The following RIF1 variants were observed in gnomAD, a reference collection of about 807,000 sequenced individuals.
RIF1 encodes telomere-associated protein RIF1.
Under a neutral mutation model 247.1 loss-of-function variants are expected in RIF1, and 45 were observed. The ratio of observed to expected loss-of-function variants is 0.18; its 90% CI spans 0.14 to 0.23. RIF1 has a LOEUF of 0.23. RIF1 is among the 10% of genes least tolerant of loss of function. The probability of loss-of-function intolerance (pLI) is 1.00; values close to 1 mark genes in which losing one functional copy is unlikely to be tolerated. For synonymous variants in RIF1, 1,087 were observed against 978.8 expected (o/e 1.11, Z -2.06); for missense variants, 2,967 against 2,862.5 (o/e 1.04, Z -0.83).
Position 151,506,890 on chromosome 2 carries a change from A to ACCT in RIF1, c.*1027+515_*1027+516insCCT, listed in dbSNP as rs769768130. ...AATGACTAGGTTAGCATTAAATGCA[A>ACCT]AATAAATAGTAAATATACCGAGCTG... On this transcript the variant is annotated intron_variant and NMD_transcript_variant, in intron 13 of 13. Coordinates refer to the RIF1 transcript ENST00000454583. 7 of 1,521,404 alleles carry ACCT rather than the reference A, an allele frequency of 4.6e-6. No homozygotes were observed. The Admixed American group carries it at 1.2e-4, about 26-fold the overall frequency. The allele number at this position is 1,521,404 out of a possible 1,614,324, so 94.2% of individuals were successfully genotyped here.
the RIF1 span, chr2:151,519,666 C>G: frequency 6.2e-7 from 1 of 1,606,132 alleles, no homozygotes; most frequent in African/African-American, 1.3e-5. Flanking sequence ...ACCTCACTTG[C>G]AAGATTATTA....
At chr2:151,492,669 G>A (rs369699291) in intron 9 of RIF1, 18 of 415,304 alleles carry the variant, frequency 4.3e-5, no homozygotes, top group East Asian at 1.7e-4. Context: ...AGAAGGGCCC[G>A]CCAGTGGAAG....
At chr2:151,512,100 G>A (rs566608554), downstream of RIF1, among the ~76,000 whole-genome samples, 4 of 141,758 alleles carry the variant, frequency 2.8e-5, no homozygotes, top group Non-Finnish European at 6.0e-5. Context: ...GCGTGATCTC[G>A]GCTCACTGCA....
Position 151,490,042 on chromosome 2 carries a change from G to A in RIF1, c.*416-5187G>A, listed in dbSNP as rs2152763931. On this transcript the variant is annotated intron_variant and NMD_transcript_variant, in intron 9 of 13. Coordinates refer to the RIF1 transcript ENST00000454583. ...TGGGTAGCAACTGAAGATGATCGTT[G>A]TTGTGGGAGCTCTGTGGTTTTTGCA... is the stretch of plus-strand genomic sequence containing the variant. 1.2e-6 allele frequency: 2 copies of A among 1,613,314 alleles called. No individual in the cohort carries two copies. Among genetic ancestry groups the A allele is most frequent in the Non-Finnish European group, 1.7e-6 (2 of 1,179,582 alleles).
chr2:151,464,961 C>T lies in RIF1; in HGVS notation c.5441C>T (p.Ser1814Phe). The stretch of plus-strand genomic sequence containing the variant: ...ACTATTAATGATTCATTAATTGTTT[C>T]TGAAACCAAATCAAAAGAAAACACT... ...NDTINDSLIV[S>F]ETKSKENTMQ... The change falls in exon 30 of 36, where the codon TCT (serine) becomes TTT (phenylalanine). Residue 1814 changes from serine to phenylalanine, a missense_variant. Physicochemically the swap from Ser to Phe is radical, Grantham distance 155 (BLOSUM62 -2). Around this residue, in one of 7 missense-constraint regions of RIF1, gnomAD observed 2,028 missense variants for 1,825.6 expected, o/e 1.11. Coordinates refer to ENST00000444746, the MANE Select transcript of RIF1 (RefSeq NM_018151.5). The T allele has an allele frequency of 1.3e-6, 2 of 1,572,904 alleles. No homozygotes were observed. Among genetic ancestry groups the T allele is most frequent in the African/African-American group, 1.4e-5 (1 of 72,612 alleles).
intron 12 of RIF1, among the ~76,000 whole-genome samples, chr2:151,504,350 A>C (rs138566719): frequency 1.2e-4 from 19 of 152,328 alleles, no homozygotes; most frequent in Non-Finnish European, 4.4e-5. Context: ...TCACCCAACA[A>C]AGCAGCAGAA....
chr2:151,428,738 T>G (rs1198638719), intron 8 of RIF1, 46 bp from the exon 9 acceptor site: 1 of 1,458,640 alleles, frequency 6.9e-7, no homozygotes, highest in South Asian at 1.1e-5. Context: ...AATTATTCTG[T>G]TTCATGCAGA....
chr2:151,533,279 T>G, the RIF1 span, among the ~76,000 whole-genome samples: 3 of 152,236 alleles, frequency 2.0e-5, no homozygotes, highest in South Asian at 6.2e-4. Flanking sequence ...CCATCACCTT[T>G]GGCCACATTC....
chr2:151,527,507 C>A, the RIF1 span: 2 of 1,613,138 alleles, frequency 1.2e-6, no homozygotes, highest in South Asian at 2.2e-5. Context: ...GATGACTTGG[C>A]AGCCTGGAGG....
intron 8 of RIF1, among the ~76,000 whole-genome samples, chr2:151,428,246 T>C (rs1014817137): frequency 4.6e-5 from 7 of 152,116 alleles, no homozygotes; most frequent in Non-Finnish European, 8.8e-5. Context: ...AGAAAAGTTA[T>C]TCAGTTTTCT....
intron 9 of RIF1, among the ~76,000 whole-genome samples, chr2:151,488,540 G>A (rs139216819): frequency 6.6e-6 from 1 of 151,898 alleles, no homozygotes; most frequent in African/African-American, 2.4e-5. Context: ...TAGCTATTCT[G>A]GTGGCTGAGG....
chr2:151,441,442 C>G (rs1692277816), intron 15 of RIF1, among the ~76,000 whole-genome samples: 1 of 152,104 alleles, frequency 6.6e-6, no homozygotes, highest in South Asian at 2.1e-4. Flanking sequence ...AATGGACATT[C>G]ATATAGCAGT....
At chr2:151,414,110 T>C (rs1431618782) in intron 3 of RIF1, among the ~76,000 whole-genome samples, 1 of 151,970 alleles carries the variant, frequency 6.6e-6, no homozygotes. Flanking sequence ...GTCAGGAGTT[T>C]GAGACCAGCC....
intron 6 of RIF1, among the ~76,000 whole-genome samples, chr2:151,418,393 CAG>C (rs1020454191): frequency 1.3e-5 from 2 of 152,142 alleles, no homozygotes; most frequent in African/African-American, 4.8e-5. Flanking sequence ...TTAGCAGAGA[CAG>C]GGTTTTGCCA....
the RIF1 span, chr2:151,515,070 CAT>C: frequency 2.7e-3 from 1,688 of 623,178 alleles, 31 homozygotes; most frequent in South Asian, 0.027. Flanking sequence ...ACATTTGAAA[CAT>C]GTATGATTGT....
Position 151,423,014 on chromosome 2 carries a change from G to T in RIF1, c.758G>T (p.Trp253Leu). The T allele has an allele frequency of 6.3e-7, 1 of 1,595,480 alleles. No homozygotes were observed. Among genetic ancestry groups the T allele is most frequent in the African/African-American group, 1.3e-5 (1 of 74,490 alleles). ...AATGAGACTTACGTGTTAAAATTATGGCCTTTGTTTGTCAAACTACTTGGA... is the reference window on the plus strand; with the variant it reads ...AATGAGACTTACGTGTTAAAATTATTGCCTTTGTTTGTCAAACTACTTGGA... ...SKNETYVLKL[W>L]PLFVKLLGRT... Residue 253 changes from tryptophan to leucine, a missense_variant, in exon 8 of 36, where the codon TGG becomes TTG. Physicochemically the swap from Trp to Leu is moderately conservative, Grantham distance 61 (BLOSUM62 -2). Around this residue, in one of 7 missense-constraint regions of RIF1, gnomAD observed 71 missense variants for 132.9 expected, o/e 0.53. Coordinates refer to ENST00000444746, the MANE Select transcript of RIF1 (RefSeq NM_018151.5).
intron 34 of RIF1, among the ~76,000 whole-genome samples, chr2:151,471,229 G>A (rs550186859): frequency 3.9e-4 from 59 of 152,154 alleles, no homozygotes; most frequent in Non-Finnish European, 7.5e-4. Flanking sequence ...AAAAATTTCC[G>A]TTTTGAGGTT....
the RIF1 span, chr2:151,519,584 T>G: frequency 2.8e-6 from 3 of 1,082,586 alleles, no homozygotes; most frequent in Non-Finnish European, 4.2e-6. Flanking sequence ...TAAATGCTAC[T>G]GAATTGCACA....
intron 25 of RIF1, 40 bp from the exon 26 acceptor site, chr2:151,459,960 C>T (rs762482211): frequency 2.4e-5 from 35 of 1,432,690 alleles, no homozygotes; most frequent in South Asian, 4.1e-5. Flanking sequence ...AAAATATTAC[C>T]GTTCTATTTA....
Sources: allele counts gnomAD v4.1 joint callset (sites outside exome capture counted in the v4.1 genomes callset), GRCh38; gene constraint gnomAD v4.1.1; regional missense constraint gnomAD v4.1.1; transcripts MANE v1.5; gene names NCBI Gene and HGNC (gene_info 2026-07-23, HGNC 2026-07-21).